Variants in UBE4B observed in about 807,000 individuals in gnomAD.
UBE4B encodes the protein ubiquitination factor E4B.
UBE4B carries 27 observed loss-of-function variants against 148.1 expected under a neutral mutation model. The observed-to-expected ratio is 0.18, with a 90% CI of 0.13 to 0.25. The LOEUF (loss-of-function observed/expected upper bound fraction) is 0.25, where lower values mean the gene tolerates loss of function less well. UBE4B is among the 10% of genes least tolerant of loss of function. The probability of loss-of-function intolerance (pLI) is 1.00; values close to 1 mark genes in which losing one functional copy is unlikely to be tolerated. For missense variants in UBE4B, 1,170 were observed against 1,662.4 expected, an observed-to-expected ratio of 0.70 and a Z score of 5.15; for synonymous variants, 596 against 619.3, an observed-to-expected ratio of 0.96 and a Z score of 0.56.
intron 10 of UBE4B, 109 bp from the exon 11 acceptor site, chr1:10,126,685 T>TG: frequency 2.1e-6 from 2 of 944,708 alleles, no homozygotes; most frequent in South Asian, 3.1e-5. Flanking sequence ...AGCTTTTCCC[T>TG]GGGGAAGGAA....
At chr1:10,158,220 G>T (rs750305019) in intron 21 of UBE4B, 136 bp from the exon 22 acceptor site, 68 of 1,101,246 alleles carry the variant, frequency 6.2e-5, no homozygotes, top group Non-Finnish European at 8.2e-5. Flanking sequence ...TGCCCTACAT[G>T]CAAAAGAAGT....
chr1:10,107,128 A>G (rs1645125881), intron 7 of UBE4B: 1 of 1,185,056 alleles, frequency 8.4e-7, no homozygotes, highest in Non-Finnish European at 1.1e-6. Context: ...GTTTTAGTGT[A>G]TGGTTTATTT....
intron 7 of UBE4B, among the ~76,000 whole-genome samples, chr1:10,109,214 C>T (rs772043513): frequency 2.1e-4 from 31 of 150,710 alleles, no homozygotes; most frequent in Non-Finnish European, 1.9e-4. Context: ...ACGGGGGGGC[C>T]GGGGGGACAG....
At chr1:10,162,217 A>G (rs1326224338) in intron 23 of UBE4B, among the ~76,000 whole-genome samples, 16 of 151,858 alleles carry the variant, frequency 1.1e-4, no homozygotes, top group Admixed American at 1.1e-3. Flanking sequence ...TCTTTCACCC[A>G]TGCTGGAGTG....
At chr1:10,151,715 G>C (rs981153107) in intron 21 of UBE4B, among the ~76,000 whole-genome samples, 154 bp downstream of exon 21, 1 of 151,858 alleles carries the variant, frequency 6.6e-6, no homozygotes, top group Admixed American at 6.6e-5. Flanking sequence ...ATGTACTTTT[G>C]GTTCTTCTTG....
At chr1:10,136,496 A>G (rs1349558581) in intron 16 of UBE4B, among the ~76,000 whole-genome samples, 1 of 151,948 alleles carries the variant, frequency 6.6e-6, no homozygotes, top group African/African-American at 2.4e-5. Flanking sequence ...AAAAAAAAAA[A>G]AAAAAGATTG....
At chr1:10,086,299 G>C (rs1284157384) in intron 2 of UBE4B, among the ~76,000 whole-genome samples, 1 of 152,050 alleles carries the variant, frequency 6.6e-6, no homozygotes, top group Non-Finnish European at 1.5e-5. Context: ...GCAGAGACAG[G>C]GTTTCGCCAT....
At chr1:10,151,106 T>C (rs1246919091) in intron 20 of UBE4B, among the ~76,000 whole-genome samples, 2 of 150,192 alleles carry the variant, frequency 1.3e-5, no homozygotes, top group African/African-American at 4.9e-5. Flanking sequence ...GAGCTTGCAG[T>C]GAGCCGAGAT....
chr1:10,075,517 C>T (rs926131929), intron 2 of UBE4B, among the ~76,000 whole-genome samples: 8 of 152,212 alleles, frequency 5.3e-5, no homozygotes, highest in African/African-American at 1.9e-4. Context: ...TGTAACAGCC[C>T]ATATGCTGTT....
intron 19 of UBE4B, among the ~76,000 whole-genome samples, chr1:10,148,299 T>A (rs1477006739): frequency 6.6e-6 from 1 of 151,960 alleles, no homozygotes; most frequent in Non-Finnish European, 1.5e-5. Flanking sequence ...AGGACCTTTT[T>A]ATTTCCTTCC....
intron 1 of UBE4B, among the ~76,000 whole-genome samples, chr1:10,052,156 T>C (rs1299210062): frequency 6.6e-6 from 1 of 151,488 alleles, no homozygotes; most frequent in Non-Finnish European, 1.5e-5. Context: ...AACCTCCGCC[T>C]CCTGGGTTCA....
intron 18 of UBE4B, 80 bp downstream of exon 18, chr1:10,145,119 C>A: frequency 3.7e-6 from 4 of 1,069,590 alleles, no homozygotes; most frequent in Non-Finnish European, 5.6e-6. Context: ...CTTGAGTGAG[C>A]AGTTTAGTGT....
At chr1:10,096,534 C>A (rs1048327963) in intron 3 of UBE4B, among the ~76,000 whole-genome samples, 3 of 151,894 alleles carry the variant, frequency 2.0e-5, no homozygotes, top group Non-Finnish European at 4.4e-5. Context: ...AAGTTCAAGA[C>A]CAACCTGGAA....
At chr1:10,160,042 G>A (rs1159737595) in intron 22 of UBE4B, among the ~76,000 whole-genome samples, 2 of 152,148 alleles carry the variant, frequency 1.3e-5, no homozygotes, top group Non-Finnish European at 2.9e-5. Flanking sequence ...TCCAGCATGG[G>A]CTTACCACCC....
At chr1:10,045,766 G>A (rs1643901584) in intron 1 of UBE4B, among the ~76,000 whole-genome samples, 1 of 152,156 alleles carries the variant, frequency 6.6e-6, no homozygotes, top group African/African-American at 2.4e-5. Context: ...GAGAGGGGGA[G>A]AAAGGGTCAA....
chr1:10,060,322 G>A (rs1011802483), intron 1 of UBE4B, among the ~76,000 whole-genome samples: 1 of 152,142 alleles, frequency 6.6e-6, no homozygotes, highest in Non-Finnish European at 1.5e-5. Flanking sequence ...TTGCTCCTGG[G>A]CTACAAACCT....
chr1:10,093,744 C>T (rs944292717), intron 2 of UBE4B, among the ~76,000 whole-genome samples: 5 of 150,786 alleles, frequency 3.3e-5, no homozygotes, highest in African/African-American at 9.8e-5. Flanking sequence ...ACCCAGGCTG[C>T]AGGGCAGTGG....
chr1:10,146,381 G>A (rs1344422120), intron 18 of UBE4B, among the ~76,000 whole-genome samples: 2 of 152,186 alleles, frequency 1.3e-5, no homozygotes, highest in Non-Finnish European at 2.9e-5. Context: ...GAACCTGGTA[G>A]GCAGAGGTTG....
At chr1:10,083,403 C>T (rs560780461) in intron 2 of UBE4B, among the ~76,000 whole-genome samples, 3 of 152,220 alleles carry the variant, frequency 2.0e-5, no homozygotes, top group Non-Finnish European at 2.9e-5. Flanking sequence ...AATTTTGAGT[C>T]TTTAATGAAC....
Sources: allele counts gnomAD v4.1 joint callset (sites outside exome capture counted in the v4.1 genomes callset), GRCh38; gene constraint gnomAD v4.1.1; transcripts MANE v1.5; gene names NCBI Gene and HGNC (gene_info 2026-07-23, HGNC 2026-07-21).